KHDRBS2: variants seen among roughly 807,000 people sequenced by gnomAD.
KHDRBS2 encodes KH domain-containing, RNA-binding, signal transduction-associated protein 2.
A neutral mutation model predicts 44.3 loss-of-function variants in KHDRBS2; 26 were observed. That is an observed-to-expected ratio of 0.59 (90% confidence interval 0.43 to 0.81). The LOEUF (loss-of-function observed/expected upper bound fraction) is 0.81. Ranked by LOEUF, KHDRBS2 falls within the 40% of genes least tolerant of loss-of-function variation. The probability of loss-of-function intolerance (pLI) is 0.00; values close to 1 mark genes in which losing one functional copy is unlikely to be tolerated. For synonymous variants in KHDRBS2, 194 were observed against 151.1 expected (o/e 1.28, Z -2.08); for missense variants, 476 against 433.1 (o/e 1.10, Z -0.88).
At chr6:61,559,399 T>C in the KHDRBS2 span, among the ~76,000 whole-genome samples, 1 of 151,752 alleles carries the variant, frequency 6.6e-6, no homozygotes, top group Non-Finnish European at 1.5e-5. Flanking sequence ...AATTGGAGAG[T>C]TCAGTCTATT....
At chr6:61,583,596 C>A in the KHDRBS2 span, among the ~76,000 whole-genome samples, 1 of 151,756 alleles carries the variant, frequency 6.6e-6, no homozygotes, top group African/African-American at 2.4e-5. Context: ...CTTTGCCACA[C>A]TTACTTGACT....
At chr6:62,081,172 T>TA (rs1282377199) in intron 2 of KHDRBS2, among the ~76,000 whole-genome samples, 1 of 152,068 alleles carries the variant, frequency 6.6e-6, no homozygotes, top group Non-Finnish European at 1.5e-5. Context: ...TAAGATACCT[T>TA]AAAAAGGCTT....
intron 6 of KHDRBS2, among the ~76,000 whole-genome samples, chr6:61,778,059 C>A (rs1424491839): frequency 1.3e-5 from 2 of 152,022 alleles, no homozygotes; most frequent in African/African-American, 4.8e-5. Flanking sequence ...ATGACCACTC[C>A]TATTCAACAT....
chr6:62,104,421 T>A (rs184086513), intron 2 of KHDRBS2, among the ~76,000 whole-genome samples: 1 of 152,212 alleles, frequency 6.6e-6, no homozygotes, highest in Admixed American at 6.5e-5. Context: ...TAGGTATATT[T>A]GAAATCATTC....
downstream of KHDRBS2, among the ~76,000 whole-genome samples, chr6:61,675,197 A>T (rs1170213062): frequency 6.6e-6 from 1 of 151,798 alleles, no homozygotes. Flanking sequence ...TTAAAAAAGC[A>T]TTGTAGCTTT....
intron 1 of KHDRBS2, among the ~76,000 whole-genome samples, chr6:62,268,315 G>GA (rs1350836722): frequency 3.9e-5 from 6 of 152,058 alleles, no homozygotes; most frequent in African/African-American, 1.4e-4. Flanking sequence ...GGTTATTAGT[G>GA]TTGACATGAT....
chr6:61,552,949 C>T, the KHDRBS2 span, among the ~76,000 whole-genome samples: 1 of 152,034 alleles, frequency 6.6e-6, no homozygotes, highest in Non-Finnish European at 1.5e-5. Flanking sequence ...GGGTACTGGC[C>T]TGACCTGTTA....
the KHDRBS2 span, among the ~76,000 whole-genome samples, chr6:61,593,219 C>T: frequency 6.6e-6 from 1 of 152,214 alleles, no homozygotes; most frequent in East Asian, 1.9e-4. Flanking sequence ...TTATAAGTTG[C>T]TATAACAATT....
At chr6:62,095,942 T>C (rs1453088773) in intron 2 of KHDRBS2, among the ~76,000 whole-genome samples, 1 of 151,996 alleles carries the variant, frequency 6.6e-6, no homozygotes, top group Non-Finnish European at 1.5e-5. Context: ...TGTGGAATTT[T>C]ATCAAATGTT....
At chr6:61,790,002 A>G (rs770491203) in intron 6 of KHDRBS2, among the ~76,000 whole-genome samples, 3 of 151,508 alleles carry the variant, frequency 2.0e-5, no homozygotes, top group Non-Finnish European at 4.4e-5. Context: ...AAGATGCAGT[A>G]TAAATGATTA....
intron 3 of KHDRBS2, among the ~76,000 whole-genome samples, chr6:61,986,866 AC>A (rs1263051058): frequency 1.3e-5 from 2 of 151,902 alleles, no homozygotes; most frequent in Non-Finnish European, 2.9e-5. Context: ...AAACTTAATT[AC>A]CCCCAAAGGC....
intron 3 of KHDRBS2, among the ~76,000 whole-genome samples, chr6:61,981,278 A>G (rs1374827440): frequency 6.6e-6 from 1 of 152,212 alleles, no homozygotes; most frequent in Non-Finnish European, 1.5e-5. Context: ...TTAAAACAAC[A>G]AAGTTTTCTT....
chr6:62,014,535 G>A (rs1180242400), intron 3 of KHDRBS2, among the ~76,000 whole-genome samples: 1 of 152,024 alleles, frequency 6.6e-6, no homozygotes, highest in Non-Finnish European at 1.5e-5. Flanking sequence ...AACACTGTAT[G>A]ACCCTACTGG....
At chr6:61,992,722 C>T (rs80288246) in intron 3 of KHDRBS2, among the ~76,000 whole-genome samples, 5,921 of 152,280 alleles carry the variant, frequency 0.039, 151 homozygotes, top group African/African-American at 0.056. Flanking sequence ...TCTCTACACA[C>T]ATTTGTATTA....
intron 3 of KHDRBS2, among the ~76,000 whole-genome samples, chr6:61,983,100 C>T (rs902776611): frequency 7.2e-5 from 11 of 151,868 alleles, no homozygotes; most frequent in African/African-American, 9.7e-5. Flanking sequence ...ATTGGAAACT[C>T]GTTATATAAC....
chr6:62,122,233 G>C (rs1334198114), intron 2 of KHDRBS2, among the ~76,000 whole-genome samples: 3 of 152,120 alleles, frequency 2.0e-5, no homozygotes, highest in Non-Finnish European at 4.4e-5. Flanking sequence ...GGCCCCCATA[G>C]ATGAATTACA....
At chr6:61,624,940 T>A in the KHDRBS2 span, among the ~76,000 whole-genome samples, 1 of 152,090 alleles carries the variant, frequency 6.6e-6, no homozygotes, top group Non-Finnish European at 1.5e-5. Flanking sequence ...AACTACAAGA[T>A]AGAGCTGCTC....
At chr6:61,553,331 T>C in the KHDRBS2 span, among the ~76,000 whole-genome samples, 1 of 152,118 alleles carries the variant, frequency 6.6e-6, no homozygotes, top group Admixed American at 6.5e-5. Context: ...TTTGTTGTTA[T>C]GGGGTAAGTG....
chr6:61,543,117 C>A, the KHDRBS2 span, among the ~76,000 whole-genome samples: 1 of 151,864 alleles, frequency 6.6e-6, no homozygotes, highest in African/African-American at 2.4e-5. Context: ...CAAATGGGAT[C>A]ACATCATGTT....
Sources: allele counts gnomAD v4.1 joint callset (sites outside exome capture counted in the v4.1 genomes callset), GRCh38; gene constraint gnomAD v4.1.1; transcripts MANE v1.5; gene names NCBI Gene and HGNC (gene_info 2026-07-23, HGNC 2026-07-21).